PPARGC1B: variants seen among roughly 807,000 people sequenced by gnomAD.
PPARGC1B encodes the protein PPARG coactivator 1 beta.
A neutral mutation model predicts 101.6 loss-of-function variants in PPARGC1B; 34 were observed. The ratio of observed to expected loss-of-function variants is 0.33; its 90% CI spans 0.25 to 0.45. The LOEUF (loss-of-function observed/expected upper bound fraction) is 0.45, where lower values mean the gene tolerates loss of function less well. Among genes scored for constraint, PPARGC1B ranks in the 20% least tolerant of loss-of-function variants. PPARGC1B has a pLI of 1.00. For synonymous variants in PPARGC1B, 548 were observed against 539.3 expected (o/e 1.02, Z -0.22); for missense variants, 1,234 against 1,317.6 (o/e 0.94, Z 0.98).
chr5:149,801,807 G>A (rs1341976169), intron 1 of PPARGC1B, among the ~76,000 whole-genome samples: 1 of 152,140 alleles, frequency 6.6e-6, no homozygotes, highest in Non-Finnish European at 1.5e-5. Context: ...CAGTGACTGG[G>A]TGTGAGGAAG....
intron 1 of PPARGC1B, among the ~76,000 whole-genome samples, chr5:149,769,768 C>CT (rs1283980767): frequency 6.6e-6 from 1 of 152,190 alleles, no homozygotes; most frequent in East Asian, 1.9e-4. Flanking sequence ...ATTTTCTGGC[C>CT]TTTTCCAGCT....
At chr5:149,746,596 AC>A (rs1375629364) in intron 1 of PPARGC1B, among the ~76,000 whole-genome samples, 1 of 152,124 alleles carries the variant, frequency 6.6e-6, no homozygotes, top group East Asian at 1.9e-4. Flanking sequence ...CCTGACTTCA[AC>A]CCATTTGGGT....
chr5:149,809,710 AAAAATT>A (rs1300825225), intron 1 of PPARGC1B, among the ~76,000 whole-genome samples: 1 of 150,186 alleles, frequency 6.7e-6, no homozygotes, highest in Non-Finnish European at 1.5e-5. Context: ...AAAAAAAAAA[AAAAATT>A]AATCAATTTC....
chr5:149,764,126 A>T (rs978048174), intron 1 of PPARGC1B, among the ~76,000 whole-genome samples: 10 of 152,216 alleles, frequency 6.6e-5, no homozygotes, highest in African/African-American at 2.4e-4. Context: ...AGCCCAGAGT[A>T]AGAACTTCTA....
intron 1 of PPARGC1B, among the ~76,000 whole-genome samples, chr5:149,817,306 T>G (rs1451380346): frequency 6.6e-6 from 1 of 152,082 alleles, no homozygotes; most frequent in African/African-American, 2.4e-5. Flanking sequence ...GACCCCTGTC[T>G]GTACAAAAAA....
chr5:149,841,285 T>G (rs930395116), intron 9 of PPARGC1B, among the ~76,000 whole-genome samples: 1 of 151,908 alleles, frequency 6.6e-6, no homozygotes, highest in Non-Finnish European at 1.5e-5. Flanking sequence ...GGGGGACAAG[T>G]GTTTGGAGCA....
intron 2 of PPARGC1B, among the ~76,000 whole-genome samples, chr5:149,823,183 T>C (rs950796320): frequency 6.6e-6 from 1 of 152,224 alleles, no homozygotes; most frequent in African/African-American, 2.4e-5. Context: ...CAATTTGCCA[T>C]GTGTCCTTGG....
intron 1 of PPARGC1B, among the ~76,000 whole-genome samples, chr5:149,747,818 T>TG (rs1482238878): frequency 6.6e-6 from 1 of 152,076 alleles, no homozygotes; most frequent in Admixed American, 6.6e-5. Context: ...GGGTGGACCA[T>TG]GGGCAGGCAC....
intron 1 of PPARGC1B, chr5:149,772,286 G>A (rs1756162857): frequency 2.0e-6 from 3 of 1,484,576 alleles, no homozygotes; most frequent in Admixed American, 2.1e-5. Context: ...TTAGGGTACG[G>A]TAGTGTGCGT....
intron 1 of PPARGC1B, among the ~76,000 whole-genome samples, chr5:149,819,709 G>T (rs1396336114): frequency 6.6e-6 from 1 of 152,158 alleles, no homozygotes; most frequent in Non-Finnish European, 1.5e-5. Context: ...CGCCATGTTG[G>T]CCAGGCTGGT....
At chr5:149,733,267 A>G (rs1240572514) in intron 1 of PPARGC1B, among the ~76,000 whole-genome samples, 1 of 152,262 alleles carries the variant, frequency 6.6e-6, no homozygotes. Context: ...GGGCCAAAGT[A>G]CGGAAATTTA....
chr5:149,731,476 C>A (rs571834680), intron 1 of PPARGC1B, among the ~76,000 whole-genome samples: 1 of 152,166 alleles, frequency 6.6e-6, no homozygotes, highest in Non-Finnish European at 1.5e-5. Flanking sequence ...GGAGGAGCCC[C>A]GGGTGCTGGC....
In PPARGC1B at chr5:149,849,562, C is replaced by G. The variant is rs1290590744; in HGVS notation, c.*2004C>G. Reference sequence around the variant, plus strand: ...CTGAGCCTGGATGTGCTATAAGAATCCTGAAATCAGTGCTCTGGTAAGTCA... The same window carrying G: ...CTGAGCCTGGATGTGCTATAAGAATGCTGAAATCAGTGCTCTGGTAAGTCA... On this transcript the variant is annotated 3_prime_UTR_variant, in exon 12 of 12. Coordinates refer to ENST00000309241, the MANE Select transcript of PPARGC1B (RefSeq NM_133263.4). 2 of 152,206 alleles carry G rather than the reference C, an allele frequency of 1.3e-5. No homozygotes were observed. The highest frequency in any genetic ancestry group is 2.9e-5 in the Non-Finnish European group (2 of 68,044). 9.4% of individuals were successfully genotyped at this position (152,206 alleles called of 1,614,324 possible).
At chr5:149,800,425 G>C (rs1757394830) in intron 1 of PPARGC1B, among the ~76,000 whole-genome samples, 1 of 152,232 alleles carries the variant, frequency 6.6e-6, no homozygotes, top group Non-Finnish European at 1.5e-5. Context: ...TTTGATAGGA[G>C]TGAGGCAGGC....
intron 1 of PPARGC1B, among the ~76,000 whole-genome samples, chr5:149,754,732 A>G (rs1053117248): frequency 2.7e-5 from 4 of 147,638 alleles, no homozygotes; most frequent in Non-Finnish European, 6.0e-5. Context: ...TATATATAGT[A>G]GGAGCCATGT....
Position 149,784,560 on chromosome 5 carries a change from C to CTTTTTTTTTT in PPARGC1B, c.79-35859_79-35850dup, listed in dbSNP as rs72364863. Among the ~76,000 whole-genome samples, 9 of 75,704 alleles carry CTTTTTTTTTT rather than the reference C, an allele frequency of 1.2e-4. 1 individual carries two copies. The highest frequency in any genetic ancestry group is 5.0e-4 in the South Asian group (1 of 1,984). 49.7% of individuals were successfully genotyped at this position (75,704 alleles called of 152,430 possible). A position where few individuals can be genotyped will look rare whatever the true frequency, so the allele number is the denominator to read the frequency against. ...AGCCTCACTCCAGCCAACTGAGTTT[C>CTTTTTTTTTT]TTTTTTTTTTTTTTTTTTTTTTTCT... On this transcript the variant is annotated intron_variant, in intron 1 of 11. Coordinates refer to ENST00000309241, the MANE Select transcript of PPARGC1B (RefSeq NM_133263.4).
At position 149,730,418 on chromosome 5, in the gene PPARGC1B, C is replaced by A; in HGVS notation, c.76C>A (p.Gln26Lys). 1 of 1,554,336 alleles carries A rather than the reference C, an allele frequency of 6.4e-7. No homozygotes were observed. Among genetic ancestry groups the A allele is most frequent in the Non-Finnish European group, 8.7e-7 (1 of 1,152,432 alleles). ...SFFLNYLADTQGGGSGEEQLY... is the reference protein window; with the variant it reads ...SFFLNYLADTKGGGSGEEQLY... ...CTTCCTCAACTATCTCGCTGACACG[C>A]AGGTACGGCCGGCTGGGGCTGCGGG... The change falls in exon 1 of 12, where the codon CAG (glutamine) becomes AAG (lysine). Residue 26 changes from glutamine to lysine, a missense_variant and splice_region_variant. Gln to Lys is a moderately conservative substitution (Grantham distance 53). This residue lies in a region of PPARGC1B where 734 missense variants were observed against 768.4 expected (regional missense o/e 0.96). Transcript: ENST00000309241. The surrounding 1 kb of genome is among the most constrained non-coding windows in gnomAD (Gnocchi z 4.0).
chr5:149,769,974 G>A (rs1306208363), intron 1 of PPARGC1B, among the ~76,000 whole-genome samples: 18 of 152,138 alleles, frequency 1.2e-4, no homozygotes, highest in Admixed American at 1.0e-3. Context: ...GCCCTGTAAG[G>A]TAGTATCTTC....
At chr5:149,831,008 G>A in intron 4 of PPARGC1B, 125 bp downstream of exon 4, 2 of 723,642 alleles carry the variant, frequency 2.8e-6, no homozygotes, top group East Asian at 2.5e-5. Context: ...CACAGCCCTT[G>A]TAGCTGGTGT....
Sources: gnomAD v4.1 joint callset for allele counts (sites outside exome capture counted in the v4.1 genomes callset) on GRCh38, gnomAD v4.1.1 for gene constraint, gnomAD v4.1.1 regional missense constraint, Gnocchi (gnomAD v3.1) non-coding constraint, MANE v1.5 for transcripts, NCBI Gene and HGNC (gene_info 2026-07-23, HGNC 2026-07-21) for gene names.